TRERF1: variants seen among roughly 807,000 people sequenced by gnomAD.
The protein encoded by TRERF1 is transcriptional regulating factor 1, also known as transcriptional-regulating factor 1.
In TRERF1, 27 loss-of-function variants were observed where a neutral mutation model predicts 122.9. The observed-to-expected ratio is 0.22, with a 90% CI of 0.16 to 0.30. The LOEUF is 0.30. TRERF1 is among the 10% of genes least tolerant of loss of function. The probability of loss-of-function intolerance (pLI) is 1.00; values close to 1 mark genes in which losing one functional copy is unlikely to be tolerated. For synonymous variants in TRERF1, 636 were observed against 641.7 expected, an observed-to-expected ratio of 0.99 and a Z score of 0.13; for missense variants, 1,248 against 1,560.3, an observed-to-expected ratio of 0.80 and a Z score of 3.37.
chr6:42,359,588 G>A (rs1319991383), intron 3 of TRERF1, among the ~76,000 whole-genome samples: 1 of 152,218 alleles, frequency 6.6e-6, no homozygotes, highest in East Asian at 1.9e-4. Flanking sequence ...GCTGGGCGCG[G>A]TGGCGTGCGC....
chr6:42,404,699 G>A (rs565904616), intron 2 of TRERF1, among the ~76,000 whole-genome samples: 34 of 151,858 alleles, frequency 2.2e-4, no homozygotes, highest in Middle Eastern at 6.8e-3. Flanking sequence ...TGATCCTACC[G>A]TCTAACCGCT....
intron 2 of TRERF1, among the ~76,000 whole-genome samples, chr6:42,371,941 G>A (rs1346238943): frequency 6.6e-6 from 1 of 152,088 alleles, no homozygotes; most frequent in Non-Finnish European, 1.5e-5. Flanking sequence ...CAGCATTTTG[G>A]GAGGCCAAGG....
intron 2 of TRERF1, among the ~76,000 whole-genome samples, chr6:42,449,147 G>A (rs1368745143): frequency 6.6e-6 from 1 of 152,220 alleles, no homozygotes; most frequent in East Asian, 1.9e-4. Flanking sequence ...AATGCTATGT[G>A]ATAATAACAC....
chr6:42,376,787 C>G (rs1192621825), intron 2 of TRERF1, among the ~76,000 whole-genome samples: 1 of 151,814 alleles, frequency 6.6e-6, no homozygotes, highest in Admixed American at 6.6e-5. Flanking sequence ...ATGATTTGCC[C>G]ACCTCAGCCT....
At chr6:42,417,232 C>G (rs1407750602) in intron 2 of TRERF1, among the ~76,000 whole-genome samples, 1 of 152,152 alleles carries the variant, frequency 6.6e-6, no homozygotes, top group East Asian at 1.9e-4. Flanking sequence ...CTTACCTTCT[C>G]TTATGTAGCC....
intron 2 of TRERF1, among the ~76,000 whole-genome samples, chr6:42,425,265 A>G (rs542540037): frequency 2.6e-4 from 39 of 152,300 alleles, no homozygotes; most frequent in African/African-American, 9.4e-4. Context: ...ACACTGACTA[A>G]TAAGAGCTAC....
rs554088594 is a variant in TRERF1 at position 42,228,780 on chromosome 6, G to A, written c.3279-111C>T. 321 of 1,105,864 alleles carry A rather than the reference G, an allele frequency of 2.9e-4. 1 individual carries two copies. In the African/African-American group the frequency reaches 4.5e-3, roughly 16 times the overall value. 68.5% of individuals were successfully genotyped at this position (1,105,864 alleles called of 1,614,324 possible). On this transcript the variant is annotated intron_variant, in intron 17 of 17. Coordinates refer to ENST00000372922, the Ensembl canonical transcript of TRERF1. This position sits in a 1 kb window ranked among gnomAD's most constrained non-coding sequence, Gnocchi z 4.2. ...GTGTGGTCTGACAAAGTCCCTGGCT[G>A]CTCGGCTTCTAGGACCTCCTTCCCC...
At chr6:42,341,619 A>G (rs1179082092) in intron 3 of TRERF1, among the ~76,000 whole-genome samples, 5 of 152,162 alleles carry the variant, frequency 3.3e-5, no homozygotes, top group African/African-American at 1.2e-4. Context: ...TACTATCACA[A>G]TTCAGTGGGT....
intron 17 of TRERF1, among the ~76,000 whole-genome samples, chr6:42,229,869 T>C (rs1718260270): frequency 6.6e-6 from 1 of 152,344 alleles, no homozygotes; most frequent in East Asian, 1.9e-4. Context: ...TTTTTGGGAA[T>C]AAAGTTTTAT....
intron 2 of TRERF1, among the ~76,000 whole-genome samples, chr6:42,444,484 C>A (rs1159609019): frequency 6.6e-6 from 1 of 152,120 alleles, no homozygotes; most frequent in African/African-American, 2.4e-5. Flanking sequence ...AAACTCCTTC[C>A]CAGGGACAGG....
At chr6:42,289,343 C>CAAAAAA (rs145805556) in intron 4 of TRERF1, among the ~76,000 whole-genome samples, 1 of 131,018 alleles carries the variant, frequency 7.6e-6, no homozygotes, top group African/African-American at 3.0e-5. Flanking sequence ...AAAAAACAAA[C>CAAAAAA]AAACAAAAAA....
At position 42,268,683 on chromosome 6, in the gene TRERF1, G is replaced by A. The variant is rs1196266724; in HGVS notation, c.908C>T (p.Pro303Leu). The change falls in exon 5 of 18, where the codon CCG becomes CTG. Residue 303 changes from proline (P) to leucine (L), a missense_variant. Pro to Leu is a moderately conservative substitution (Grantham distance 98). Around this residue, in one of 5 missense-constraint regions of TRERF1, gnomAD observed 946 missense variants for 1,073.0 expected, o/e 0.88. Coordinates refer to ENST00000372922, the Ensembl canonical transcript of TRERF1. This position sits in a 1 kb window ranked among gnomAD's most constrained non-coding sequence, Gnocchi z 4.4. ...CTGCTGCGGCTGCTGCTGCTGTGGC[G>A]GCGGCTGTGGCTGTGATGGGCGAAT... 9 of 1,614,018 alleles carry A rather than the reference G, an allele frequency of 5.6e-6. No individual in the cohort carries two copies. The highest frequency in any genetic ancestry group is 1.7e-5 in the Admixed American group (1 of 59,986).
intron 2 of TRERF1, among the ~76,000 whole-genome samples, chr6:42,379,395 C>T (rs1775509638): frequency 6.6e-6 from 1 of 152,116 alleles, no homozygotes; most frequent in Non-Finnish European, 1.5e-5. Flanking sequence ...CCAAATCAAA[C>T]CATCCTTAAA....
At position 42,305,995 on chromosome 6, in the gene TRERF1, C is replaced by CTTTTTTT. The variant is rs55700516; in HGVS notation, c.-370-5253_-370-5247dup. On this transcript the variant is annotated intron_variant, in intron 3 of 17. Transcript: ENST00000372922. ...CCCATTCTCTCTCCAAATATCTCTC[C>CTTTTTTT]TTTTTTTTTTTTTTTTTTTTTTTTG... Among the ~76,000 whole-genome samples, 260 of 69,508 alleles carry CTTTTTTT rather than the reference C, an allele frequency of 3.7e-3. 13 individuals are homozygous for CTTTTTTT. Among genetic ancestry groups the CTTTTTTT allele is most frequent in the East Asian group, 0.012 (22 of 1,826 alleles). 45.6% of individuals were successfully genotyped at this position (69,508 alleles called of 152,430 possible). A position where few individuals can be genotyped will look rare whatever the true frequency, so the allele number is the denominator to read the frequency against.
Position 42,269,979 on chromosome 6 carries a change from T to C in TRERF1, c.-258-131A>G, listed in dbSNP as rs763097362. On this transcript the variant is annotated intron_variant, in intron 4 of 17. Transcript: ENST00000372922. This position sits in a 1 kb window ranked among gnomAD's most constrained non-coding sequence, Gnocchi z 4.9. ...CTACCTGGGAGGCTGAGACATGAAG[T>C]TCATTTGAGACCAGCCTGGGCAACA... 1 of 183,418 alleles carries C rather than the reference T, an allele frequency of 5.5e-6. No homozygotes were observed. Among genetic ancestry groups the C allele is most frequent in the Non-Finnish European group, 1.1e-5 (1 of 87,864 alleles). 11.4% of individuals were successfully genotyped at this position (183,418 alleles called of 1,614,324 possible).
intron 3 of TRERF1, among the ~76,000 whole-genome samples, chr6:42,356,437 A>G (rs1344908829): frequency 6.6e-6 from 1 of 152,254 alleles, no homozygotes; most frequent in Non-Finnish European, 1.5e-5. Flanking sequence ...TGAGTGCACA[A>G]GGAAGAGATC....
chr6:42,428,413 G>C (rs896737888), intron 2 of TRERF1, among the ~76,000 whole-genome samples: 1 of 152,194 alleles, frequency 6.6e-6, no homozygotes, highest in South Asian at 2.1e-4. Flanking sequence ...AATGAAAGGA[G>C]GTGAAACTCA....
rs914082581 is a variant in TRERF1 at position 42,249,654 on chromosome 6, T to A, written c.2657-3110A>T. 3.3e-5 allele frequency among the ~76,000 whole-genome samples: 5 copies of A among 152,224 alleles called. No homozygotes were observed. In the South Asian group the frequency reaches 1.0e-3, roughly 32 times the overall value. The stretch of plus-strand genomic sequence containing the variant: ...TCATCCTGAGATGGAGTGGGCTGCA[T>A]GTTCTCCCTGCCCCTCTATGTCACT... On this transcript the variant is annotated intron_variant, in intron 13 of 17. Transcript: ENST00000372922.
intron 17 of TRERF1, among the ~76,000 whole-genome samples, chr6:42,231,941 T>C (rs1770624822): frequency 6.6e-6 from 1 of 152,214 alleles, no homozygotes; most frequent in Admixed American, 6.5e-5. Flanking sequence ...AAACAGTATC[T>C]GTATCACATG....
Sources: allele counts gnomAD v4.1 joint callset (sites outside exome capture counted in the v4.1 genomes callset), GRCh38; gene constraint gnomAD v4.1.1; regional missense constraint gnomAD v4.1.1; non-coding constraint Gnocchi (gnomAD v3.1); transcripts MANE v1.5; gene names NCBI Gene and HGNC (gene_info 2026-07-23, HGNC 2026-07-21).